GLS: variants seen among roughly 807,000 people sequenced by gnomAD.
GLS encodes the protein glutaminase kidney isoform, mitochondrial.
Under a neutral mutation model 86.7 loss-of-function variants are expected in GLS, and 36 were observed. That is an observed-to-expected ratio of 0.42 (90% CI 0.32 to 0.55). The LOEUF (loss-of-function observed/expected upper bound fraction) is 0.55, where lower values mean the gene tolerates loss of function less well. GLS is among the 20% of genes least tolerant of loss of function. The pLI is 0.17. For missense variants in GLS, 528 were observed against 833.4 expected (o/e 0.63, Z 4.51); for synonymous variants, 317 against 305.9 (o/e 1.04, Z -0.38).
At chr2:190,932,992 C>CT (rs377268627) in intron 14 of GLS, 51 of 1,196,566 alleles carry the variant, frequency 4.3e-5, no homozygotes, top group African/African-American at 4.1e-4. Context: ...AGCCATAAAG[C>CT]TTTTTTTTCC....
At chr2:190,931,686 A>G (rs1690109583) in intron 14 of GLS, 49 bp downstream of exon 14, 1 of 838,396 alleles carries the variant, frequency 1.2e-6, no homozygotes, top group Non-Finnish European at 1.9e-6. Flanking sequence ...TTAAGAAGAG[A>G]AAAAGTGAGA....
In GLS at chr2:190,934,365, A is replaced by T. The variant is rs915043482; in HGVS notation, c.1650+2728A>T. 3.1e-6 allele frequency: 3 copies of T among 961,074 alleles called. No homozygotes were observed. The African/African-American group carries it at 5.3e-5, about 17-fold the overall frequency. The allele number at this position is 961,074 out of a possible 1,614,324, so 59.5% of individuals were successfully genotyped here. On this transcript the variant is annotated intron_variant, in intron 14 of 17. Transcript: ENST00000320717. ...TCCCTTCTAGAGGTGCTGGCCAAAA[A>T]GCCTTTTGGGCTAACTTAAGTATTA...
chr2:190,895,543 G>C lies in GLS; in HGVS notation c.484-61G>C. 2 of 1,134,630 alleles carry C rather than the reference G, an allele frequency of 1.8e-6. No individual in the cohort carries two copies. The highest frequency in any genetic ancestry group is 2.1e-5 in the Admixed American group (1 of 47,086). 70.3% of individuals were successfully genotyped at this position (1,134,630 alleles called of 1,614,324 possible). A position where few individuals can be genotyped will look rare whatever the true frequency, so the allele number is the denominator to read the frequency against. ...TATACAGGAATAAAATCTTATAGTT[G>C]GTATAAGCATATACATTATTTGCAC... On this transcript the variant is annotated intron_variant, in intron 2 of 17. Transcript: ENST00000320717. The surrounding 1 kb of genome is among the most constrained non-coding windows in gnomAD (Gnocchi z 4.2).
At position 190,888,153 on chromosome 2, in the gene GLS, G is replaced by C. The variant is rs149974960; in HGVS notation, c.386+6683G>C. On this transcript the variant is annotated intron_variant, in intron 1 of 17. Transcript: ENST00000320717. ...AAAGGAACCACATCTGTTAAGTTTT[G>C]AACTTGTAAATCTCTACTGTCTACT... 1.4e-4 allele frequency among the ~76,000 whole-genome samples: 22 copies of C among 152,172 alleles called. No individual in the cohort carries two copies. The East Asian group carries it at 3.7e-3, about 25-fold the overall frequency.
At chr2:190,933,148 A>G (rs985154149) in intron 14 of GLS, 13 of 855,312 alleles carry the variant, frequency 1.5e-5, no homozygotes, top group African/African-American at 3.6e-5. Context: ...AATGTTAACT[A>G]TGTGGTCAGA....
chr2:190,934,923 A>T (rs770305783), intron 14 of GLS: 41 of 972,732 alleles, frequency 4.2e-5, no homozygotes, highest in Non-Finnish European at 5.0e-5. Context: ...AAACTTTGCC[A>T]GTTTTAAGGA....
rs566271662 is a variant in GLS at position 190,897,960 on chromosome 2, C to T, written c.605+2235C>T. Among the ~76,000 whole-genome samples the T allele has an allele frequency of 5.3e-5, 8 of 152,154 alleles. No homozygotes were observed. Among genetic ancestry groups the T allele is most frequent in the Non-Finnish European group, 8.8e-5 (6 of 68,002 alleles). On this transcript the variant is annotated intron_variant, in intron 3 of 17. Transcript: ENST00000320717. The surrounding 1 kb of genome is among the most constrained non-coding windows in gnomAD (Gnocchi z 4.3). ...CATACTTTTTGGAGTAAAACCTGTT[C>T]GAAAGTTGGAGACTGCCTGTACCCA... is the stretch of plus-strand genomic sequence containing the variant.
Position 190,932,822 on chromosome 2 carries a change from C to T in GLS, c.1650+1185C>T, listed in dbSNP as rs1373329094. The T allele has an allele frequency of 2.5e-6, 4 of 1,601,184 alleles. No homozygotes were observed. The East Asian group carries it at 9.0e-5, about 36-fold the overall frequency. ...GAGTCAAATGAGGACATCTCTACAA[C>T]TGTAGTATATAGAATGGAAAGTCTG... On this transcript the variant is annotated intron_variant, in intron 14 of 17. Coordinates refer to ENST00000320717, the MANE Select transcript of GLS (RefSeq NM_014905.5).
chr2:190,939,436 G>C (rs10497710), intron 14 of GLS, among the ~76,000 whole-genome samples: 11,924 of 151,524 alleles, frequency 0.079, 1,529 homozygotes, highest in African/African-American at 0.27. Flanking sequence ...ACAAGTTTCA[G>C]TATAAACTCA....
intron 14 of GLS, among the ~76,000 whole-genome samples, chr2:190,946,581 CAG>C (rs377112091): frequency 1.7e-3 from 252 of 151,782 alleles, no homozygotes; most frequent in African/African-American, 4.0e-3. Context: ...AGATGAAAAA[CAG>C]AGGAAATTTT....
intron 1 of GLS, among the ~76,000 whole-genome samples, chr2:190,889,803 T>G (rs1195713739): frequency 6.6e-6 from 1 of 152,218 alleles, no homozygotes; most frequent in African/African-American, 2.4e-5. Flanking sequence ...AAGTGGCTTT[T>G]GTGCTTTTTA....
intron 7 of GLS, chr2:190,919,646 AT>A: frequency 2.4e-6 from 2 of 847,924 alleles, no homozygotes; most frequent in South Asian, 5.4e-5. Flanking sequence ...TCTATGGAAT[AT>A]TTTGACAACT....
At chr2:190,939,853 C>T (rs1346875151) in intron 14 of GLS, among the ~76,000 whole-genome samples, 1 of 151,616 alleles carries the variant, frequency 6.6e-6, no homozygotes, top group Non-Finnish European at 1.5e-5. Flanking sequence ...TTCTCACAGT[C>T]ATTCCAAATT....
chr2:190,895,122 A>T lies in GLS; in HGVS notation c.387-30A>T, dbSNP rs762616905. On this transcript the variant is annotated intron_variant, in intron 1 of 17. Transcript: ENST00000320717. The surrounding 1 kb of genome is among the most constrained non-coding windows in gnomAD (Gnocchi z 4.2). ...AATCCAGTAGAATGTTCATACAAGG[A>T]TTAATTTTGTGTTCTTTCTACCTCT... 2 of 908,396 alleles carry T rather than the reference A, an allele frequency of 2.2e-6. No homozygotes were observed. Among genetic ancestry groups the T allele is most frequent in the East Asian group, 4.8e-5 (2 of 41,520 alleles). The allele number at this position is 908,396 out of a possible 1,614,324, so 56.3% of individuals were successfully genotyped here.
rs1212934305 is a variant in GLS, at chr2:190,925,950, T to C, written c.1249-1356T>C. On this transcript the variant is annotated intron_variant, in intron 11 of 17. Transcript: ENST00000320717. Reference sequence around the variant, plus strand: ...TTGAAACTAGCCTTTTTTTTCCCCCTGGTCTGTATGAATTTTTTCCGTAAG... The same window carrying C: ...TTGAAACTAGCCTTTTTTTTCCCCCCGGTCTGTATGAATTTTTTCCGTAAG... Among the ~76,000 whole-genome samples the C allele has an allele frequency of 2.6e-5, 4 of 152,288 alleles. No homozygotes were observed. In the East Asian group the frequency reaches 7.7e-4, roughly 29 times the overall value.
intron 11 of GLS, 143 bp from the exon 12 acceptor site, chr2:190,927,163 G>T (rs1355535573): frequency 1.4e-6 from 1 of 698,812 alleles, no homozygotes; most frequent in Admixed American, 3.6e-5. Context: ...AAAATCTTCA[G>T]AATGTCCTCA....
chr2:190,904,596 G>C (rs144746910), intron 5 of GLS, among the ~76,000 whole-genome samples: 64 of 152,200 alleles, frequency 4.2e-4, no homozygotes, highest in Admixed American at 4.6e-4. Context: ...GATAGTTGTG[G>C]CTGTAGTAAA....
At chr2:190,883,267 G>A (rs951210663) in intron 1 of GLS, among the ~76,000 whole-genome samples, 4 of 152,176 alleles carry the variant, frequency 2.6e-5, no homozygotes, top group African/African-American at 7.2e-5. Context: ...TAATGATCTG[G>A]TTTCCAAATG....
rs887387133 is a variant in GLS, at chr2:190,955,175, G to C, written c.1853+357G>C. On this transcript the variant is annotated intron_variant, in intron 17 of 17. Coordinates refer to ENST00000320717, the MANE Select transcript of GLS (RefSeq NM_014905.5). This position sits in a 1 kb window ranked among gnomAD's most constrained non-coding sequence, Gnocchi z 5.6. ...CTTTAAGTTCTGGGATACATGTGCA[G>C]AACATGCAGGTTTGTTACATGGGTA... 6.6e-6 allele frequency among the ~76,000 whole-genome samples: 1 copy of C among 152,082 alleles called. No homozygotes were observed. Among genetic ancestry groups the C allele is most frequent in the Non-Finnish European group, 1.5e-5 (1 of 68,006 alleles).
Sources: gnomAD v4.1 joint callset for allele counts (sites outside exome capture counted in the v4.1 genomes callset) on GRCh38, gnomAD v4.1.1 for gene constraint, Gnocchi (gnomAD v3.1) non-coding constraint, MANE v1.5 for transcripts, NCBI Gene and HGNC (gene_info 2026-07-23, HGNC 2026-07-21) for gene names.